SPAG16: variants seen among roughly 807,000 people sequenced by gnomAD.
The protein encoded by SPAG16 is sperm associated antigen 16.
SPAG16 carries 86 observed loss-of-function variants against 80.4 expected under a neutral mutation model. The ratio of observed to expected loss-of-function variants is 1.07; its 90% CI spans 0.90 to 1.28. SPAG16 has a LOEUF of 1.28. Among genes scored for constraint, SPAG16 ranks in the 50% most tolerant of loss-of-function variants. SPAG16 has a pLI of 0.00. For synonymous variants in SPAG16, 294 were observed against 265.9 expected, an observed-to-expected ratio of 1.11 and a Z score of -1.03; for missense variants, 870 against 765.3, an observed-to-expected ratio of 1.14 and a Z score of -1.61.
chr2:213,681,510 G>A (rs148927989), intron 10 of SPAG16, among the ~76,000 whole-genome samples: 1 of 152,118 alleles, frequency 6.6e-6, no homozygotes, highest in East Asian at 1.9e-4. Context: ...AAAGAGATCT[G>A]ATGATCTCTT....
chr2:213,684,248 T>G (rs1230759050), intron 10 of SPAG16, among the ~76,000 whole-genome samples: 1 of 152,240 alleles, frequency 6.6e-6, no homozygotes, highest in African/African-American at 2.4e-5. Context: ...GACTAACTTG[T>G]AGCTTATGCC....
intron 10 of SPAG16, among the ~76,000 whole-genome samples, chr2:213,658,490 C>G (rs568556288): frequency 9.2e-5 from 14 of 152,144 alleles, no homozygotes; most frequent in Non-Finnish European, 1.6e-4. Context: ...AAGGAGCAAG[C>G]ATTTAATGAG....
intron 15 of SPAG16, among the ~76,000 whole-genome samples, chr2:214,409,684 TA>T (rs1181720378): frequency 6.6e-6 from 1 of 152,172 alleles, no homozygotes; most frequent in Non-Finnish European, 1.5e-5. Context: ...GAGTTGTAAG[TA>T]ATGATTAGCA....
rs373792083 is a variant in SPAG16, at chr2:213,340,196, A to C, written c.570A>C (p.Lys190Asn). 3.1e-6 allele frequency: 5 copies of C among 1,612,314 alleles called. No individual in the cohort carries two copies. Among genetic ancestry groups the C allele is most frequent in the Middle Eastern group, 1.7e-4 (1 of 6,044 alleles). The stretch of plus-strand genomic sequence containing the variant: ...GAGAAGATTTGCTGAAAATTCAGAA[A>C]GAACGTGATTTTCATCGAATGCATC... ...KAREDLLKIQ[K>N]ERDFHRMHHK... Residue 190 changes from lysine (K) to asparagine (N), a missense_variant, in exon 6 of 16, where the codon AAA becomes AAC. Coordinates refer to ENST00000331683, the MANE Select transcript of SPAG16 (RefSeq NM_024532.5).
chr2:214,120,414 T>C (rs2054159968), intron 14 of SPAG16, among the ~76,000 whole-genome samples: 1 of 151,912 alleles, frequency 6.6e-6, no homozygotes, highest in Non-Finnish European at 1.5e-5. Context: ...AGTTTGATTT[T>C]AGGCATATAT....
intron 11 of SPAG16, among the ~76,000 whole-genome samples, chr2:213,894,216 C>T (rs2076902454): frequency 6.6e-6 from 1 of 152,018 alleles, no homozygotes; most frequent in Non-Finnish European, 1.5e-5. Flanking sequence ...AAACTTTTGT[C>T]AAGAACACAT....
At chr2:214,062,073 T>C (rs2050291438) in intron 13 of SPAG16, among the ~76,000 whole-genome samples, 1 of 151,614 alleles carries the variant, frequency 6.6e-6, no homozygotes, top group African/African-American at 2.4e-5. Context: ...TTAAAATGTA[T>C]TATCAGCATT....
chr2:214,326,542 T>C (rs948291496), intron 15 of SPAG16, among the ~76,000 whole-genome samples: 2 of 112,652 alleles, frequency 1.8e-5, no homozygotes, highest in African/African-American at 4.9e-5. Context: ...AGGACAGATA[T>C]GAGAAATCAT....
intron 12 of SPAG16, among the ~76,000 whole-genome samples, chr2:213,934,523 G>A (rs1045319065): frequency 6.6e-6 from 1 of 152,156 alleles, no homozygotes; most frequent in South Asian, 2.1e-4. Flanking sequence ...TCTAAGTGTG[G>A]AAGAAAGGAT....
chr2:213,948,627 G>T (rs1047592014), intron 12 of SPAG16, among the ~76,000 whole-genome samples: 1 of 152,028 alleles, frequency 6.6e-6, no homozygotes, highest in African/African-American at 2.4e-5. Flanking sequence ...TCACATTTCT[G>T]CTCTAGCTCT....
rs182089006 is a variant in SPAG16, at chr2:213,583,301, C to T, written c.1070+93211C>T. Among the ~76,000 whole-genome samples, 32 of 152,188 alleles carry T rather than the reference C, an allele frequency of 2.1e-4. No individual in the cohort carries two copies. The East Asian group carries it at 5.2e-3, about 25-fold the overall frequency. ...ACCTAGTTTGGAAAATTATAAGTAACGCTGGATCCAAAACAAAAGTATATG... is the reference window on the plus strand; with the variant it reads ...ACCTAGTTTGGAAAATTATAAGTAATGCTGGATCCAAAACAAAAGTATATG... On this transcript the variant is annotated intron_variant, in intron 10 of 15. Transcript: ENST00000331683.
chr2:213,856,613 C>G (rs2075180289), intron 10 of SPAG16, among the ~76,000 whole-genome samples: 1 of 152,170 alleles, frequency 6.6e-6, no homozygotes, highest in Non-Finnish European at 1.5e-5. Flanking sequence ...GTTCCCAAAC[C>G]TCAATTCTTG....
chr2:213,437,336 T>C (rs1444811727), intron 9 of SPAG16, among the ~76,000 whole-genome samples: 2 of 152,224 alleles, frequency 1.3e-5, no homozygotes, highest in African/African-American at 4.8e-5. Context: ...CTCTTATTTA[T>C]AAAATCAGCA....
chr2:213,752,072 A>G (rs1474201529), intron 10 of SPAG16, among the ~76,000 whole-genome samples: 1 of 152,208 alleles, frequency 6.6e-6, no homozygotes, highest in East Asian at 1.9e-4. Context: ...AGCTAGAAAC[A>G]ATTGCTTTTT....
chr2:214,302,236 A>G (rs1174313072), intron 15 of SPAG16, among the ~76,000 whole-genome samples: 1 of 152,202 alleles, frequency 6.6e-6, no homozygotes, highest in Admixed American at 6.5e-5. Context: ...CGCACAGATA[A>G]TAAAAATGTA....
chr2:213,959,285 T>C (rs968642982), intron 12 of SPAG16, among the ~76,000 whole-genome samples: 4 of 152,226 alleles, frequency 2.6e-5, no homozygotes, highest in African/African-American at 9.6e-5. Flanking sequence ...GTGTTTATAT[T>C]CCTGTCTTTC....
intron 15 of SPAG16, among the ~76,000 whole-genome samples, chr2:214,152,678 C>T (rs574259292): frequency 2.0e-5 from 3 of 152,036 alleles, no homozygotes; most frequent in East Asian, 3.9e-4. Flanking sequence ...CCAGTAGTGG[C>T]CCCGAATGTC....
intron 10 of SPAG16, among the ~76,000 whole-genome samples, chr2:213,629,636 T>TCTGAAGG (rs2062074476): frequency 2.6e-5 from 4 of 152,228 alleles, no homozygotes; most frequent in Admixed American, 2.6e-4. Flanking sequence ...CAGTCCTGGG[T>TCTGAAGG]CAGCTTGCCT....
intron 13 of SPAG16, among the ~76,000 whole-genome samples, chr2:214,028,379 A>C (rs1164429579): frequency 1.3e-5 from 2 of 152,080 alleles, no homozygotes; most frequent in Non-Finnish European, 2.9e-5. Context: ...GAGCCTTTTC[A>C]CAATTCTTGA....
Sources: gnomAD v4.1 joint callset for allele counts (sites outside exome capture counted in the v4.1 genomes callset) on GRCh38, gnomAD v4.1.1 for gene constraint, MANE v1.5 for transcripts, NCBI Gene and HGNC (gene_info 2026-07-23, HGNC 2026-07-21) for gene names.